The following MYOM2 variants were observed in gnomAD, a reference collection of about 807,000 sequenced individuals.
The protein encoded by MYOM2 is myomesin 2.
A neutral mutation model predicts 187.6 loss-of-function variants in MYOM2; 254 were observed. The ratio of observed to expected loss-of-function variants is 1.35; its 90% CI spans 1.22 to 1.50. The LOEUF (loss-of-function observed/expected upper bound fraction) is 1.50. Ranked by LOEUF, MYOM2 falls within the 40% of genes most tolerant of loss-of-function variation. MYOM2 has a pLI of 0.00. For missense variants in MYOM2, 2,796 were observed against 1,924.0 expected, an observed-to-expected ratio of 1.45 and a Z score of -8.48; for synonymous variants, 981 against 753.8, an observed-to-expected ratio of 1.30 and a Z score of -4.94.
At chr8:2,069,532 A>G (rs775809237) in intron 8 of MYOM2, 35 bp downstream of exon 8, 11 of 1,612,864 alleles carry the variant, frequency 6.8e-6, no homozygotes, top group Middle Eastern at 1.7e-4. Context: ...TGTGTGGTGA[A>G]ATGTTTAGTG....
chr8:2,063,392 C>T (rs1038971592), intron 6 of MYOM2, among the ~76,000 whole-genome samples: 4 of 152,198 alleles, frequency 2.6e-5, no homozygotes, highest in Non-Finnish European at 5.9e-5. Flanking sequence ...GAAAAAGAAG[C>T]TCCCCCTTGG....
At chr8:2,123,154 T>C (rs533117151) in intron 28 of MYOM2, 98 bp from the exon 29 acceptor site, 7 of 777,840 alleles carry the variant, frequency 9.0e-6, no homozygotes, top group Non-Finnish European at 1.4e-5. Context: ...CTAAGGTTTT[T>C]TGAGGGGGGG....
chr8:2,092,591 C>A, intron 16 of MYOM2, 71 bp downstream of exon 16: 1 of 1,489,942 alleles, frequency 6.7e-7, no homozygotes, highest in Non-Finnish European at 9.1e-7. Flanking sequence ...CCCTGTGGCC[C>A]TGGCACAGGG....
At chr8:2,131,168 G>T (rs1797852977) in intron 32 of MYOM2, among the ~76,000 whole-genome samples, 1 of 152,204 alleles carries the variant, frequency 6.6e-6, no homozygotes, top group African/African-American at 2.4e-5. Flanking sequence ...GACCACACAG[G>T]AAGTGTGTGT....
intron 32 of MYOM2, among the ~76,000 whole-genome samples, chr8:2,131,445 G>A (rs565591183): frequency 1.4e-4 from 21 of 151,910 alleles, no homozygotes; most frequent in African/African-American, 4.8e-4. Context: ...AAGAGGGTGG[G>A]TCCTAGATAG....
At chr8:2,088,237 T>A (rs1175204914) in intron 14 of MYOM2, among the ~76,000 whole-genome samples, 1 of 152,216 alleles carries the variant, frequency 6.6e-6, no homozygotes, top group Admixed American at 6.5e-5. Flanking sequence ...CAGAGTCTAT[T>A]GTGTCATTCT....
rs142248148 is a variant in MYOM2 at position 2,144,885 on chromosome 8, C to A, written c.4302C>A (p.Ser1434Arg). ...YGGEKIDVTV[S>R]VYKHGEKIPD... ...GGGAGAAGATCGACGTGACAGTGAG[C>A]GTGTACAAACACGGGGAGAAGATCC... is the stretch of plus-strand genomic sequence containing the variant. The change falls in exon 37 of 37, where the codon AGC becomes AGA. Residue 1434 changes from serine to arginine, a missense_variant. Coordinates refer to ENST00000262113, the MANE Select transcript of MYOM2 (RefSeq NM_003970.4). 4 of 1,613,968 alleles carry A rather than the reference C, an allele frequency of 2.5e-6. No individual in the cohort carries two copies. Among genetic ancestry groups the A allele is most frequent in the Admixed American group, 3.3e-5 (2 of 59,988 alleles).
At chr8:2,142,744 C>CCCTTCCTCCCTTCCT (rs1472614883) in intron 35 of MYOM2, among the ~76,000 whole-genome samples, 3 of 20,508 alleles carry the variant, frequency 1.5e-4, no homozygotes, top group South Asian at 1.1e-3. Context: ...CTCCCTTCCT[C>CCCTTCCTCCCTTCCT]CCCTCCCTCC....
chr8:2,087,916 A>G (rs902041197), intron 14 of MYOM2, among the ~76,000 whole-genome samples: 4 of 152,284 alleles, frequency 2.6e-5, no homozygotes, highest in Admixed American at 1.3e-4. Context: ...GTGTGTTTAC[A>G]GGCCAGGCAA....
At chr8:2,112,347 A>C (rs550219660) in intron 25 of MYOM2, among the ~76,000 whole-genome samples, 1 of 126,306 alleles carries the variant, frequency 7.9e-6, no homozygotes, top group East Asian at 2.6e-4. Context: ...AAGGATTTCA[A>C]GGGTAGAGGG....
intron 19 of MYOM2, among the ~76,000 whole-genome samples, chr8:2,100,659 G>C (rs79919337): frequency 6.6e-6 from 1 of 151,876 alleles, no homozygotes; most frequent in African/African-American, 2.4e-5. Flanking sequence ...GTAGATCCAC[G>C]TAGGCTGGGC....
At chr8:2,130,703 A>G (rs1007658676) in intron 32 of MYOM2, among the ~76,000 whole-genome samples, 1 of 152,184 alleles carries the variant, frequency 6.6e-6, no homozygotes, top group Non-Finnish European at 1.5e-5. Context: ...TCAAACTCAA[A>G]TGGAGTCACT....
At chr8:2,133,828 T>G (rs889007664) in intron 32 of MYOM2, among the ~76,000 whole-genome samples, 2 of 152,230 alleles carry the variant, frequency 1.3e-5, no homozygotes, top group Non-Finnish European at 2.9e-5. Context: ...CCATTTATTT[T>G]ATTGTATATA....
chr8:2,076,304 G>A (rs773864446), intron 11 of MYOM2, 22 bp downstream of exon 11: 20 of 1,611,134 alleles, frequency 1.2e-5, no homozygotes, highest in Admixed American at 5.0e-5. Context: ...GCATTCTCCC[G>A]GGGATGGGAA....
At chr8:2,064,171 C>T (rs1242944970) in intron 6 of MYOM2, among the ~76,000 whole-genome samples, 1 of 152,192 alleles carries the variant, frequency 6.6e-6, no homozygotes, top group African/African-American at 2.4e-5. Context: ...TCTGCCCAGG[C>T]CCCCTGCTTC....
At chr8:2,070,877 T>C (rs1295549517) in intron 8 of MYOM2, among the ~76,000 whole-genome samples, 4 of 152,192 alleles carry the variant, frequency 2.6e-5, no homozygotes, top group Non-Finnish European at 5.9e-5. Context: ...ACTGAAACAA[T>C]GACAGAGATG....
Position 2,052,279 on chromosome 8 carries a change from A to C in MYOM2, c.229A>C (p.Thr77Pro). The part of the protein sequence containing the change: ...ICRVCAKRVS[T>P]QEDEEQENRS... ...CAGGGTCTGTGCGAAGCGAGTGAGC[A>C]CGCAGGAAGATGAGGAGCAGGAGAA... Residue 77 changes from threonine (T) to proline (P), a missense_variant, in exon 3 of 37, where the codon ACG becomes CCG. Physicochemically the swap from Thr to Pro is conservative, Grantham distance 38 (BLOSUM62 -1). Coordinates refer to ENST00000262113, the MANE Select transcript of MYOM2 (RefSeq NM_003970.4). 2 of 1,608,046 alleles carry C rather than the reference A, an allele frequency of 1.2e-6. No homozygotes were observed. Among genetic ancestry groups the C allele is most frequent in the African/African-American group, 1.3e-5 (1 of 74,902 alleles).
chr8:2,055,940 C>A (rs750150259), intron 3 of MYOM2, among the ~76,000 whole-genome samples: 2 of 152,104 alleles, frequency 1.3e-5, no homozygotes, highest in Non-Finnish European at 2.9e-5. Flanking sequence ...GGCGGCGCTC[C>A]GGCTCGGCCA....
chr8:2,123,231 C>A, intron 28 of MYOM2, 21 bp from the exon 29 acceptor site: 1 of 1,522,444 alleles, frequency 6.6e-7, no homozygotes, highest in Non-Finnish European at 9.1e-7. Flanking sequence ...ACACACTAAA[C>A]TTAAGCTTTC....
Sources: allele counts gnomAD v4.1 joint callset (sites outside exome capture counted in the v4.1 genomes callset), GRCh38; gene constraint gnomAD v4.1.1; transcripts MANE v1.5; gene names NCBI Gene and HGNC (gene_info 2026-07-23, HGNC 2026-07-21).